PAPPA2: variants seen among roughly 807,000 people sequenced by gnomAD.
PAPPA2 encodes pappalysin 2.
A neutral mutation model predicts 176.4 loss-of-function variants in PAPPA2; 86 were observed. That is an observed-to-expected ratio of 0.49 (90% CI 0.41 to 0.58). PAPPA2 has a LOEUF of 0.58. Among genes scored for constraint, PAPPA2 ranks in the 20% least tolerant of loss-of-function variants. PAPPA2 has a pLI of 0.00. For missense variants in PAPPA2, 2,073 were observed against 2,256.9 expected, an observed-to-expected ratio of 0.92 and a Z score of 1.65; for synonymous variants, 809 against 852.2, an observed-to-expected ratio of 0.95 and a Z score of 0.88.
intron 1 of PAPPA2, among the ~76,000 whole-genome samples, chr1:176,479,943 T>G (rs1235249383): frequency 1.3e-5 from 2 of 152,236 alleles, no homozygotes. Flanking sequence ...AGCTTGGATT[T>G]GAAGTTTTAG....
chr1:176,525,431 C>T (rs1173726634), intron 1 of PAPPA2, among the ~76,000 whole-genome samples: 2 of 152,088 alleles, frequency 1.3e-5, no homozygotes, highest in Non-Finnish European at 2.9e-5. Flanking sequence ...GATATAATTA[C>T]AAAGAAGTTA....
intron 4 of PAPPA2, among the ~76,000 whole-genome samples, chr1:176,673,214 T>A (rs948262791): frequency 5.3e-5 from 8 of 152,124 alleles, no homozygotes; most frequent in African/African-American, 1.9e-4. Context: ...ATTTCCAAGA[T>A]GGTCGGGTAA....
chr1:176,759,579 AC>A (rs1663596246), intron 14 of PAPPA2, among the ~76,000 whole-genome samples: 2 of 152,274 alleles, frequency 1.3e-5, no homozygotes, highest in Admixed American at 1.3e-4. Flanking sequence ...CCTCAGGGAA[AC>A]CTTGAACCAA....
chr1:176,623,883 C>T (rs1289829208), intron 3 of PAPPA2, among the ~76,000 whole-genome samples: 1 of 150,086 alleles, frequency 6.7e-6, no homozygotes, highest in African/African-American at 2.5e-5. Context: ...CTTTGTCACC[C>T]AGGCTGGAGT....
intron 12 of PAPPA2, among the ~76,000 whole-genome samples, chr1:176,713,698 C>A (rs1022082164): frequency 2.0e-5 from 3 of 152,106 alleles, no homozygotes; most frequent in Non-Finnish European, 2.9e-5. Context: ...CAAAGACAAT[C>A]ATGGAAGAGG....
chr1:176,466,548 CTTACATA>C (rs978558118), intron 1 of PAPPA2, among the ~76,000 whole-genome samples: 24 of 152,082 alleles, frequency 1.6e-4, no homozygotes, highest in African/African-American at 5.8e-4. Flanking sequence ...AGGAACCATA[CTTACATA>C]TTACAGGGAG....
intron 4 of PAPPA2, 37 bp downstream of exon 4, chr1:176,671,152 A>T: frequency 6.2e-7 from 1 of 1,606,332 alleles, no homozygotes. Context: ...TAGGAAAAAA[A>T]CAAAGAAGGC....
At chr1:176,744,369 A>G (rs900141140) in intron 14 of PAPPA2, among the ~76,000 whole-genome samples, 1 of 152,142 alleles carries the variant, frequency 6.6e-6, no homozygotes, top group African/African-American at 2.4e-5. Flanking sequence ...GCTTCACTGC[A>G]CTGTTTACAA....
chr1:176,832,788 C>G (rs576250649), intron 21 of PAPPA2, among the ~76,000 whole-genome samples: 1 of 152,218 alleles, frequency 6.6e-6, no homozygotes, highest in East Asian at 1.9e-4. Context: ...CGTTTGCTTG[C>G]TTTTCTTTTC....
intron 1 of PAPPA2, among the ~76,000 whole-genome samples, chr1:176,543,226 G>A (rs927758356): frequency 6.6e-6 from 1 of 152,168 alleles, no homozygotes; most frequent in East Asian, 1.9e-4. Context: ...GGGAGTCCAT[G>A]TGTGGCCACC....
intron 14 of PAPPA2, among the ~76,000 whole-genome samples, chr1:176,752,674 AG>A (rs1008420414): frequency 1.3e-5 from 2 of 152,232 alleles, no homozygotes; most frequent in African/African-American, 4.8e-5. Flanking sequence ...TCCCTGAAGC[AG>A]GGCCTGCAAA....
At chr1:176,497,546 C>T (rs1477096921) in intron 1 of PAPPA2, among the ~76,000 whole-genome samples, 2 of 152,126 alleles carry the variant, frequency 1.3e-5, no homozygotes, top group East Asian at 3.8e-4. Flanking sequence ...TTTGCTTGAC[C>T]CACAAGGTGT....
chr1:176,504,997 ATC>A (rs1454888760), intron 1 of PAPPA2, among the ~76,000 whole-genome samples: 1 of 152,154 alleles, frequency 6.6e-6, no homozygotes, highest in Non-Finnish European at 1.5e-5. Flanking sequence ...CCACAGAATG[ATC>A]TAGCCCATCC....
chr1:176,516,180 C>T (rs1648898982), intron 1 of PAPPA2, among the ~76,000 whole-genome samples: 2 of 152,042 alleles, frequency 1.3e-5, no homozygotes, highest in African/African-American at 4.8e-5. Context: ...TCAGATCTCC[C>T]CCAAGCTCAA....
chr1:176,545,415 A>AAAATAAAT (rs55993766), intron 1 of PAPPA2, among the ~76,000 whole-genome samples: 2,647 of 146,316 alleles, frequency 0.018, 30 homozygotes, highest in Middle Eastern at 0.049. Flanking sequence ...AACCTCAGAA[A>AAAATAAAT]AAATAAATAA....
chr1:176,475,132 A>T (rs1402165354), intron 1 of PAPPA2, among the ~76,000 whole-genome samples: 2 of 152,218 alleles, frequency 1.3e-5, no homozygotes, highest in Non-Finnish European at 2.9e-5. Context: ...CAGCAAGCAC[A>T]GTACACAAAT....
intron 1 of PAPPA2, among the ~76,000 whole-genome samples, chr1:176,490,175 C>T (rs747563597): frequency 4.6e-5 from 7 of 151,498 alleles, no homozygotes; most frequent in Admixed American, 2.6e-4. Flanking sequence ...TCTCTTTTTC[C>T]ATTAATGATA....
chr1:176,778,804 C>T (rs565236335), intron 17 of PAPPA2, among the ~76,000 whole-genome samples: 2 of 152,250 alleles, frequency 1.3e-5, no homozygotes, highest in South Asian at 4.1e-4. Context: ...TAAGACCTTG[C>T]CTGGCTTTAT....
chr1:176,761,811 C>T (rs990253508), intron 14 of PAPPA2, among the ~76,000 whole-genome samples: 6 of 152,206 alleles, frequency 3.9e-5, no homozygotes, highest in African/African-American at 1.4e-4. Context: ...TATGTCAAAC[C>T]AAGATAAATA....
Sources: gnomAD v4.1 joint callset for allele counts (sites outside exome capture counted in the v4.1 genomes callset) on GRCh38, gnomAD v4.1.1 for gene constraint, MANE v1.5 for transcripts, NCBI Gene and HGNC (gene_info 2026-07-23, HGNC 2026-07-21) for gene names.